FSHR: variants seen among roughly 807,000 people sequenced by gnomAD.
The protein encoded by FSHR is follicle-stimulating hormone receptor.
A neutral mutation model predicts 52.1 loss-of-function variants in FSHR; 46 were observed. That is an observed-to-expected ratio of 0.88 (90% confidence interval 0.70 to 1.13). FSHR has a LOEUF of 1.13. FSHR is among the 50% of genes most tolerant of loss of function. FSHR has a pLI of 0.00. For missense variants in FSHR, 964 were observed against 834.6 expected (o/e 1.16, Z -1.91); for synonymous variants, 399 against 309.6 (o/e 1.29, Z -3.03).
intron 1 of FSHR, among the ~76,000 whole-genome samples, chr2:49,069,598 T>C (rs893203651): frequency 1.3e-5 from 2 of 152,168 alleles, no homozygotes; most frequent in African/African-American, 2.4e-5. Flanking sequence ...TATGATTGTA[T>C]ACCAAATGCC....
At chr2:49,032,482 G>C (rs1339411389) in intron 2 of FSHR, among the ~76,000 whole-genome samples, 1 of 152,200 alleles carries the variant, frequency 6.6e-6, no homozygotes, top group Non-Finnish European at 1.5e-5. Context: ...ATATTTGAAA[G>C]AGTATAGTTT....
chr2:48,976,137 C>T (rs960514591), intron 8 of FSHR, among the ~76,000 whole-genome samples: 1 of 152,104 alleles, frequency 6.6e-6, no homozygotes, highest in Non-Finnish European at 1.5e-5. Context: ...ATAAATAGCT[C>T]TTATTATTTT....
intron 1 of FSHR, among the ~76,000 whole-genome samples, chr2:49,099,527 C>T (rs1035091433): frequency 6.6e-6 from 1 of 152,050 alleles, no homozygotes; most frequent in Admixed American, 6.6e-5. Flanking sequence ...GTGAACATGA[C>T]CTTATTTGAA....
intron 1 of FSHR, among the ~76,000 whole-genome samples, chr2:49,136,562 GTA>G (rs971887708): frequency 9.2e-5 from 14 of 151,932 alleles, no homozygotes; most frequent in African/African-American, 3.1e-4. Context: ...TCACAAGCAA[GTA>G]AAACTACAGA....
At chr2:49,022,679 C>T (rs1667777302) in intron 2 of FSHR, among the ~76,000 whole-genome samples, 1 of 152,084 alleles carries the variant, frequency 6.6e-6, no homozygotes, top group Admixed American at 6.6e-5. Flanking sequence ...TTTCTTCTAC[C>T]CTCCCTGCCT....
intron 8 of FSHR, among the ~76,000 whole-genome samples, chr2:48,970,842 C>T (rs927884048): frequency 2.6e-5 from 4 of 152,140 alleles, no homozygotes; most frequent in African/African-American, 9.7e-5. Flanking sequence ...ATAATGGAAA[C>T]CTGGGTGCCA....
At chr2:49,087,087 T>TTG (rs1670428860) in intron 1 of FSHR, among the ~76,000 whole-genome samples, 1 of 146,830 alleles carries the variant, frequency 6.8e-6, no homozygotes, top group African/African-American at 2.5e-5. Context: ...TTTTTTTTTT[T>TTG]TTTTTTTTTT....
At chr2:48,992,137 G>T (rs1675811008) in intron 4 of FSHR, among the ~76,000 whole-genome samples, 1 of 151,776 alleles carries the variant, frequency 6.6e-6, no homozygotes, top group South Asian at 2.1e-4. Flanking sequence ...TTTTATCCAG[G>T]AAAAGAGGTT....
intron 2 of FSHR, among the ~76,000 whole-genome samples, chr2:49,027,307 AG>A (rs1425776795): frequency 6.6e-6 from 1 of 152,210 alleles, no homozygotes; most frequent in Non-Finnish European, 1.5e-5. Context: ...TGTTGGTCAT[AG>A]GTCATCTGTT....
chr2:49,129,672 C>G (rs1191757024), intron 1 of FSHR, among the ~76,000 whole-genome samples: 1 of 152,108 alleles, frequency 6.6e-6, no homozygotes, highest in East Asian at 1.9e-4. Flanking sequence ...ACTAACTGAA[C>G]ATTTTCAACA....
chr2:48,963,992 A>G, intron 9 of FSHR, 26 bp from the exon 10 acceptor site: 1 of 1,603,494 alleles, frequency 6.2e-7, no homozygotes, highest in East Asian at 2.2e-5. Context: ...AAGAAATAGA[A>G]TCAACATCTC....
chr2:49,100,789 T>C (rs1670999248), intron 1 of FSHR, among the ~76,000 whole-genome samples: 1 of 152,184 alleles, frequency 6.6e-6, no homozygotes, highest in Non-Finnish European at 1.5e-5. Context: ...CACTTGTACC[T>C]GAAGGCAATT....
At chr2:48,994,034 T>C (rs905593891) in intron 4 of FSHR, among the ~76,000 whole-genome samples, 1 of 152,174 alleles carries the variant, frequency 6.6e-6, no homozygotes, top group Non-Finnish European at 1.5e-5. Context: ...AGATTGTGAA[T>C]CATATGAGGG....
At chr2:49,039,127 C>T (rs1397533062) in intron 2 of FSHR, among the ~76,000 whole-genome samples, 1 of 136,918 alleles carries the variant, frequency 7.3e-6, no homozygotes, top group Admixed American at 7.0e-5. Flanking sequence ...TATTTTTTTA[C>T]AGGTTATTTT....
intron 9 of FSHR, among the ~76,000 whole-genome samples, chr2:48,965,252 C>T (rs911255307): frequency 1.3e-5 from 2 of 152,062 alleles, no homozygotes; most frequent in African/African-American, 4.8e-5. Context: ...TGAACCTTGC[C>T]CCATCAACCT....
chr2:49,067,543 T>C (rs1572700966), intron 2 of FSHR, among the ~76,000 whole-genome samples: 1 of 152,038 alleles, frequency 6.6e-6, no homozygotes. Flanking sequence ...TGGCCCTGAA[T>C]GCCCAGGAGG....
intron 1 of FSHR, among the ~76,000 whole-genome samples, chr2:49,138,284 G>A (rs775462986): frequency 2.0e-5 from 3 of 152,156 alleles, no homozygotes; most frequent in Non-Finnish European, 4.4e-5. Flanking sequence ...AAATGGCTCA[G>A]CCACTTTGGA....
intron 1 of FSHR, among the ~76,000 whole-genome samples, chr2:49,092,650 CTTTAT>C (rs1216115515): frequency 5.3e-4 from 81 of 151,828 alleles, no homozygotes; most frequent in East Asian, 1.9e-4. Flanking sequence ...TTTTGAATTT[CTTTAT>C]TTTATTATTT....
chr2:49,068,237 A>G lies in FSHR; in HGVS notation c.206T>C (p.Phe69Ser). Residue 69 changes from phenylalanine to serine, a missense_variant, in exon 2 of 10, where the codon TTT becomes TCT. Phe to Ser is a radical substitution (Grantham distance 155, BLOSUM62 -2). Transcript: ENST00000406846. ...RVIQKGAFSG[F>S]GDLEKIEISQ... ...TACATACATTTTCTCCAGGTCCCCA[A>G]ATCCTGAAAATGCACCTTTTTGGAT... is the stretch of plus-strand genomic sequence containing the variant. 1.2e-6 allele frequency: 2 copies of G among 1,610,972 alleles called. No individual in the cohort carries two copies. Among genetic ancestry groups the G allele is most frequent in the Non-Finnish European group, 8.5e-7 (1 of 1,178,532 alleles).
Sources: gnomAD v4.1 joint callset for allele counts (sites outside exome capture counted in the v4.1 genomes callset) on GRCh38, gnomAD v4.1.1 for gene constraint, MANE v1.5 for transcripts, NCBI Gene and HGNC (gene_info 2026-07-23, HGNC 2026-07-21) for gene names.